Variants in PNPLA3 observed in about 807,000 individuals in gnomAD.
PNPLA3 encodes the protein patatin like domain 3, 1-acylglycerol-3-phosphate O-acyltransferase.
A neutral mutation model predicts 43.1 loss-of-function variants in PNPLA3; 42 were observed. The ratio of observed to expected loss-of-function variants is 0.97; its 90% confidence interval spans 0.76 to 1.26. The LOEUF is 1.26. Ranked by LOEUF, PNPLA3 falls within the 50% of genes most tolerant of loss-of-function variation. The pLI, the probability that PNPLA3 is intolerant of heterozygous loss-of-function variation, is 0.00. For missense variants in PNPLA3, 647 were observed against 621.4 expected (o/e 1.04, Z -0.44); for synonymous variants, 272 against 253.6 (o/e 1.07, Z -0.69).
chr22:43,936,599 G>T (rs1453193570), intron 5 of PNPLA3, among the ~76,000 whole-genome samples: 1 of 152,204 alleles, frequency 6.6e-6, no homozygotes, highest in Non-Finnish European at 1.5e-5. Flanking sequence ...TCAAATCCTG[G>T]CTCTGCTATG....
At chr22:43,938,141 G>A (rs1038502048) in intron 6 of PNPLA3, among the ~76,000 whole-genome samples, 2 of 152,116 alleles carry the variant, frequency 1.3e-5, no homozygotes, top group Admixed American at 6.5e-5. Context: ...CTGAAAAATC[G>A]ATGTTTGTTG....
chr22:43,936,994 G>T, intron 5 of PNPLA3, 57 bp from the exon 6 acceptor site: 1 of 1,437,558 alleles, frequency 7.0e-7, no homozygotes, highest in Non-Finnish European at 9.6e-7. Context: ...AGATGGGTGG[G>T]TAACGACCAC....
intron 1 of PNPLA3, among the ~76,000 whole-genome samples, chr22:43,925,205 G>A (rs572278211): frequency 1.4e-4 from 21 of 152,122 alleles, no homozygotes; most frequent in South Asian, 6.2e-4. Flanking sequence ...TCCCCTCTCC[G>A]GCTCAGTACT....
At chr22:43,934,706 A>T (rs758532770) in intron 5 of PNPLA3, 40 bp downstream of exon 5, 3 of 1,559,846 alleles carry the variant, frequency 1.9e-6, no homozygotes, top group Non-Finnish European at 2.7e-6. Context: ...CCCTTTTGAC[A>T]AGCATTTACT....
chr22:43,946,215 T>C lies in PNPLA3; in HGVS notation c.1279T>C (p.Cys427Arg), dbSNP rs1395779432. 4 of 1,614,060 alleles carry C rather than the reference T, an allele frequency of 2.5e-6. No homozygotes were observed. In the Admixed American group the frequency reaches 6.7e-5, roughly 27 times the overall value. ...ATGCACACCTGAGCAGGACTGGCCC[T>C]GCTGGACTCCCTGCTCCCCCAAGGG... is the stretch of plus-strand genomic sequence containing the variant. ...SPCTPEQDWPCWTPCSPKGCP... is the reference protein window; with the variant it reads ...SPCTPEQDWPRWTPCSPKGCP... The change falls in exon 9 of 9, where the codon TGC (cysteine) becomes CGC (arginine). Residue 427 changes from cysteine (C) to arginine (R), a missense_variant. By Grantham distance (180) the Cys-to-Arg change is radical. Transcript: ENST00000216180.
At chr22:43,943,236 A>T in intron 7 of PNPLA3, among the ~76,000 whole-genome samples, 1 of 150,152 alleles carries the variant, frequency 6.7e-6, no homozygotes, top group Non-Finnish European at 1.5e-5. Flanking sequence ...TTCTTGGGCT[A>T]GTTTTTCTGT....
rs2050067666 is a variant in PNPLA3 at position 43,946,926 on chromosome 22, C to G, written c.*544C>G. The G allele has an allele frequency of 2.8e-5, 9 of 317,960 alleles. No individual in the cohort carries two copies. The highest frequency in any genetic ancestry group is 2.3e-4 in the South Asian group (9 of 38,870). The allele number at this position is 317,960 out of a possible 1,614,324, so 19.7% of individuals were successfully genotyped here. On this transcript the variant is annotated 3_prime_UTR_variant, in exon 9 of 9. Transcript: ENST00000216180. ...ATGGCGGGGGTAACAAGATGATAAT[C>G]TACTTAATTTTAGAACACCTTTTTC...
intron 8 of PNPLA3, 111 bp from the exon 9 acceptor site, chr22:43,946,031 TGACGGCACCCTA>T (rs1338808359): frequency 1.1e-6 from 1 of 877,966 alleles, no homozygotes; most frequent in African/African-American, 1.7e-5. Context: ...TCTCTGGCTG[TGACGGCACCCTA>T]GAGTGTGTGT....
At chr22:43,935,602 A>G (rs1251761371) in intron 5 of PNPLA3, among the ~76,000 whole-genome samples, 1 of 151,332 alleles carries the variant, frequency 6.6e-6, no homozygotes, top group Admixed American at 6.6e-5. Context: ...AGGCATGGGG[A>G]CCCATGGATG....
At position 43,940,012 on chromosome 22, in the gene PNPLA3, A is replaced by C; in HGVS notation, c.999A>C (p.Lys333Asn). The C allele has an allele frequency of 1.2e-6, 2 of 1,614,232 alleles. No homozygotes were observed. Among genetic ancestry groups the C allele is most frequent in the Non-Finnish European group, 1.7e-6 (2 of 1,180,042 alleles). The change falls in exon 7 of 9, where the codon AAA becomes AAC. Residue 333 changes from lysine to asparagine, a missense_variant. Lys to Asn is a moderately conservative substitution (Grantham distance 94). Coordinates refer to ENST00000216180, the MANE Select transcript of PNPLA3 (RefSeq NM_025225.3). ...RLATALSEEMKDKGGYMSKIC... is the reference protein window; with the variant it reads ...RLATALSEEMNDKGGYMSKIC... ...TTTCAGCACTGAGTGAAGAAATGAA[A>C]GACAAAGGTGGATACATGAGCAAGA...
At chr22:43,930,686 G>A (rs2049956157) in intron 3 of PNPLA3, among the ~76,000 whole-genome samples, 1 of 152,194 alleles carries the variant, frequency 6.6e-6, no homozygotes, top group African/African-American at 2.4e-5. Context: ...GCTGAGTTCA[G>A]TGAATATGTG....
chr22:43,944,700 A>C lies in PNPLA3; in HGVS notation c.1122A>C (p.Thr374=). 6.2e-7 allele frequency: 1 copy of C among 1,614,202 alleles called. No homozygotes were observed. The highest frequency in any genetic ancestry group is 1.1e-5 in the South Asian group (1 of 91,090). Residue 374 remains threonine (T), a synonymous_variant, in exon 8 of 9, where the codon ACA becomes ACC. Coordinates refer to ENST00000216180, the MANE Select transcript of PNPLA3 (RefSeq NM_025225.3). ...SAIAIVQRLV[T]WLPDMPDDVL... ...GGTCTCATCTCTGCAGACTGGTGAC[A>C]TGGCTTCCAGATATGCCCGACGATG...
At chr22:43,928,538 T>C (rs1257215382) in intron 2 of PNPLA3, among the ~76,000 whole-genome samples, 1 of 151,632 alleles carries the variant, frequency 6.6e-6, no homozygotes, top group Non-Finnish European at 1.5e-5. Context: ...CAACAACCCT[T>C]GGTCCTGTCT....
Position 43,944,091 on chromosome 22 carries a change from TA to T in PNPLA3, c.1113-598del, listed in dbSNP as rs1250496175. Among the ~76,000 whole-genome samples the T allele has an allele frequency of 2.6e-5, 4 of 152,178 alleles. No homozygotes were observed. In the South Asian group the frequency reaches 6.3e-4, roughly 24 times the overall value. ...GTGAGCCACCACACCTGGCCCTGAT[TA>T]ATCTTTTAATGCCCAGTCTCTCCTT... On this transcript the variant is annotated intron_variant, in intron 7 of 8. Coordinates refer to ENST00000216180, the MANE Select transcript of PNPLA3 (RefSeq NM_025225.3).
chr22:43,927,652 C>CT (rs960713506), intron 2 of PNPLA3, among the ~76,000 whole-genome samples: 15 of 24,946 alleles, frequency 6.0e-4, no homozygotes, highest in South Asian at 2.5e-3. Context: ...CTTTTTATCT[C>CT]TTTTTTTTGG....
rs2049992430 is a variant in PNPLA3, at chr22:43,935,888, G to A, written c.758-1163G>A. On this transcript the variant is annotated intron_variant, in intron 5 of 8. Transcript: ENST00000216180. ...GAGCTTTGGAAGCCCCCTGGATGCGGGACAGGAAGCGAGATACCAGTGTCT... is the reference window on the plus strand; with the variant it reads ...GAGCTTTGGAAGCCCCCTGGATGCGAGACAGGAAGCGAGATACCAGTGTCT... Among the ~76,000 whole-genome samples, 3 of 152,136 alleles carry A rather than the reference G, an allele frequency of 2.0e-5. No homozygotes were observed. In the South Asian group the frequency reaches 6.2e-4, roughly 32 times the overall value.
chr22:43,933,394 G>T (rs567993647), intron 4 of PNPLA3, among the ~76,000 whole-genome samples: 54 of 151,404 alleles, frequency 3.6e-4, no homozygotes, highest in Non-Finnish European at 7.5e-4. Context: ...ATTTTTTTTT[G>T]GTTTGTTTTT....
chr22:43,933,037 A>C lies in PNPLA3; in HGVS notation c.646A>C (p.Thr216Pro), dbSNP rs35726887. 460 of 1,614,048 alleles carry C rather than the reference A, an allele frequency of 2.8e-4. No homozygotes were observed. Among genetic ancestry groups the C allele is most frequent in the Non-Finnish European group, 3.7e-4 (442 of 1,180,030 alleles). ...CACCAAGCTCAGTCTACGCCTCTGC[A>C]CAGGGAACCTCTACCTTCTCTCGAG... is the stretch of plus-strand genomic sequence containing the variant. ...DITKLSLRLCTGNLYLLSRAF... is the reference protein window; with the variant it reads ...DITKLSLRLCPGNLYLLSRAF... Residue 216 changes from threonine (T) to proline (P), a missense_variant, in exon 4 of 9, where the codon ACA becomes CCA. Thr to Pro is a conservative substitution (Grantham distance 38). Coordinates refer to ENST00000216180, the MANE Select transcript of PNPLA3 (RefSeq NM_025225.3).
intron 8 of PNPLA3, among the ~76,000 whole-genome samples, chr22:43,945,379 A>G (rs2050056511): frequency 6.6e-6 from 1 of 152,136 alleles, no homozygotes; most frequent in Non-Finnish European, 1.5e-5. Context: ...CTGGAAACTG[A>G]GCCGGAGTTC....
Sources: gnomAD v4.1 joint callset for allele counts (sites outside exome capture counted in the v4.1 genomes callset) on GRCh38, gnomAD v4.1.1 for gene constraint, MANE v1.5 for transcripts, NCBI Gene and HGNC (gene_info 2026-07-23, HGNC 2026-07-21) for gene names.